Variants in ARHGAP21 observed in about 807,000 individuals in gnomAD.
ARHGAP21 encodes the protein rho GTPase-activating protein 21.
Under a neutral mutation model 164.6 loss-of-function variants are expected in ARHGAP21, and 38 were observed. The ratio of observed to expected loss-of-function variants is 0.23; its 90% CI spans 0.18 to 0.30. The LOEUF is 0.30. Ranked by LOEUF, ARHGAP21 falls within the 10% of genes least tolerant of loss-of-function variation. ARHGAP21 has a pLI of 1.00. For missense variants in ARHGAP21, 1,822 were observed against 2,370.7 expected (o/e 0.77, Z 4.81); for synonymous variants, 766 against 857.9 (o/e 0.89, Z 1.87).
intron 2 of ARHGAP21, among the ~76,000 whole-genome samples, chr10:24,719,622 A>G (rs887606249): frequency 1.3e-5 from 2 of 152,214 alleles, no homozygotes; most frequent in Non-Finnish European, 2.9e-5. Context: ...TAGTATCCAA[A>G]CACATTATTG....
At chr10:24,668,219 A>T (rs1840378115) in intron 3 of ARHGAP21, among the ~76,000 whole-genome samples, 1 of 152,220 alleles carries the variant, frequency 6.6e-6, no homozygotes, top group Non-Finnish European at 1.5e-5. Context: ...TAACAAGCGT[A>T]AGCATGTCCT....
chr10:24,591,037 A>T (rs1414677783), intron 24 of ARHGAP21, 188 bp downstream of exon 24: 2 of 582,018 alleles, frequency 3.4e-6, no homozygotes, highest in African/African-American at 4.1e-5. Context: ...TGCACTGCCA[A>T]TGGCATTAGA....
intron 2 of ARHGAP21, among the ~76,000 whole-genome samples, chr10:24,696,632 T>C (rs976143641): frequency 7.9e-5 from 12 of 152,098 alleles, no homozygotes; most frequent in Admixed American, 1.3e-4. Flanking sequence ...GTGGGCTCAG[T>C]GGAGGCTCAA....
chr10:24,615,474 A>C (rs1024329549), intron 9 of ARHGAP21, among the ~76,000 whole-genome samples: 1 of 152,206 alleles, frequency 6.6e-6, no homozygotes, highest in East Asian at 1.9e-4. Context: ...GATCTGAGCT[A>C]ATAATAGTCG....
chr10:24,635,668 T>A (rs1177969605), intron 4 of ARHGAP21, among the ~76,000 whole-genome samples: 1 of 152,194 alleles, frequency 6.6e-6, no homozygotes, highest in East Asian at 1.9e-4. Context: ...TGCCTCAGCC[T>A]CCTGAGTAGC....
At chr10:24,636,808 C>T (rs1384297685) in intron 4 of ARHGAP21, among the ~76,000 whole-genome samples, 2 of 152,180 alleles carry the variant, frequency 1.3e-5, no homozygotes, top group Admixed American at 1.3e-4. Flanking sequence ...AAAACACTTC[C>T]TTTGCCACTT....
intron 9 of ARHGAP21, among the ~76,000 whole-genome samples, chr10:24,615,753 A>G (rs905406264): frequency 2.0e-5 from 3 of 146,574 alleles, no homozygotes; most frequent in Admixed American, 7.0e-5. Flanking sequence ...AAAGCACGGC[A>G]TAAGTTTTTG....
At chr10:24,628,803 A>ATG (rs1835406816) in intron 7 of ARHGAP21, among the ~76,000 whole-genome samples, 2 of 99,838 alleles carry the variant, frequency 2.0e-5, no homozygotes, top group African/African-American at 3.7e-5. Context: ...ATACACATAT[A>ATG]TACATATATA....
At chr10:24,608,606 A>T (rs1393039307) in intron 9 of ARHGAP21, among the ~76,000 whole-genome samples, 1 of 152,222 alleles carries the variant, frequency 6.6e-6, no homozygotes, top group African/African-American at 2.4e-5. Context: ...GCCTGGATTT[A>T]AAAGGTCCAG....
At chr10:24,593,081 A>AG (rs1345827271) in intron 21 of ARHGAP21, among the ~76,000 whole-genome samples, 4 of 151,710 alleles carry the variant, frequency 2.6e-5, no homozygotes, top group Non-Finnish European at 5.9e-5. Context: ...ATAACATCCC[A>AG]GGGGGGTAAA....
At chr10:24,634,639 C>A (rs1455790927) in intron 5 of ARHGAP21, among the ~76,000 whole-genome samples, 1 of 152,174 alleles carries the variant, frequency 6.6e-6, no homozygotes, top group Non-Finnish European at 1.5e-5. Context: ...TCAGGCACTT[C>A]CAGAACTTGA....
At chr10:24,588,234 G>A (rs944867984) in intron 25 of ARHGAP21, among the ~76,000 whole-genome samples, 1 of 152,162 alleles carries the variant, frequency 6.6e-6, no homozygotes, top group Non-Finnish European at 1.5e-5. Flanking sequence ...AATTATATAG[G>A]AGAATGCCCC....
intron 4 of ARHGAP21, among the ~76,000 whole-genome samples, chr10:24,642,514 C>CAAAAAAA (rs57154901): frequency 2.1e-5 from 1 of 47,926 alleles, no homozygotes. Flanking sequence ...GACTCCGTCT[C>CAAAAAAA]AAAAAAAAAA....
At chr10:24,598,672 G>T (rs989268865) in intron 14 of ARHGAP21, among the ~76,000 whole-genome samples, 2 of 151,934 alleles carry the variant, frequency 1.3e-5, no homozygotes, top group Non-Finnish European at 2.9e-5. Context: ...TATTGACTGG[G>T]GTTCTCAATT....
At chr10:24,702,819 A>C (rs1480008788) in intron 2 of ARHGAP21, among the ~76,000 whole-genome samples, 3 of 152,200 alleles carry the variant, frequency 2.0e-5, no homozygotes, top group Non-Finnish European at 4.4e-5. Flanking sequence ...TCCTAAAAAT[A>C]GTGTCACTAT....
chr10:24,662,930 T>G (rs1004918573), intron 4 of ARHGAP21, among the ~76,000 whole-genome samples: 16 of 152,026 alleles, frequency 1.1e-4, no homozygotes, highest in Non-Finnish European at 2.1e-4. Flanking sequence ...CAGTTGTCCC[T>G]TGAACAATGG....
intron 19 of ARHGAP21, among the ~76,000 whole-genome samples, chr10:24,595,484 C>T (rs766597092): frequency 5.9e-5 from 9 of 152,100 alleles, no homozygotes; most frequent in Non-Finnish European, 1.2e-4. Flanking sequence ...TGTCAGAAGC[C>T]ATTTGACTGG....
At chr10:24,608,184 G>A (rs1420347559) in intron 9 of ARHGAP21, among the ~76,000 whole-genome samples, 1 of 152,076 alleles carries the variant, frequency 6.6e-6, no homozygotes, top group Non-Finnish European at 1.5e-5. Flanking sequence ...AAAGTTTATA[G>A]GTACCTCGAA....
chr10:24,606,957 A>T (rs1259931052), intron 11 of ARHGAP21, among the ~76,000 whole-genome samples: 1 of 152,236 alleles, frequency 6.6e-6, no homozygotes, highest in Non-Finnish European at 1.5e-5. Flanking sequence ...TAGTCAATGA[A>T]GTATTTGTGA....
Sources: allele counts gnomAD v4.1 joint callset (sites outside exome capture counted in the v4.1 genomes callset), GRCh38; gene constraint gnomAD v4.1.1; transcripts MANE v1.5; gene names NCBI Gene and HGNC (gene_info 2026-07-23, HGNC 2026-07-21).